SCYL2: variants seen among roughly 807,000 people sequenced by gnomAD.
SCYL2 encodes SCY1-like protein 2.
Under a neutral mutation model 100.4 loss-of-function variants are expected in SCYL2, and 36 were observed. The ratio of observed to expected loss-of-function variants is 0.36; its 90% CI spans 0.27 to 0.47. The LOEUF (loss-of-function observed/expected upper bound fraction) is 0.47, where lower values mean the gene tolerates loss of function less well. Ranked by LOEUF, SCYL2 falls within the 20% of genes least tolerant of loss-of-function variation. SCYL2 has a pLI of 1.00. For synonymous variants in SCYL2, 330 were observed against 359.2 expected, an observed-to-expected ratio of 0.92 and a Z score of 0.92; for missense variants, 902 against 1,083.9, an observed-to-expected ratio of 0.83 and a Z score of 2.36.
intron 4 of SCYL2, among the ~76,000 whole-genome samples, chr12:100,299,114 G>C (rs2096324433): frequency 6.6e-6 from 1 of 151,900 alleles, no homozygotes; most frequent in African/African-American, 2.4e-5. Flanking sequence ...ATGCACCTGT[G>C]GTCCCAGCTA....
intron 4 of SCYL2, among the ~76,000 whole-genome samples, chr12:100,301,232 T>G (rs1020984404): frequency 6.6e-6 from 1 of 152,232 alleles, no homozygotes; most frequent in Non-Finnish European, 1.5e-5. Flanking sequence ...TTTTCATTCG[T>G]GTTTCTCTGA....
chr12:100,272,645 A>T (rs2096288856), intron 1 of SCYL2, among the ~76,000 whole-genome samples: 2 of 152,120 alleles, frequency 1.3e-5, no homozygotes, highest in Admixed American at 6.6e-5. Flanking sequence ...CCCCTATAAA[A>T]CAACTGGCTT....
At chr12:100,327,127 G>A in intron 12 of SCYL2, 1 of 338,448 alleles carries the variant, frequency 3.0e-6, no homozygotes, top group Non-Finnish European at 5.9e-6. Context: ...TCTGCGTTAT[G>A]TTATTTTATT....
At chr12:100,328,946 T>C (rs1163232593) in intron 12 of SCYL2, among the ~76,000 whole-genome samples, 1 of 152,224 alleles carries the variant, frequency 6.6e-6, no homozygotes, top group East Asian at 1.9e-4. Flanking sequence ...AAGCTTCTTA[T>C]GTTATGCTAT....
In SCYL2 at chr12:100,338,916, G is replaced by C; in HGVS notation, c.2534G>C (p.Gly845Ala). 2 of 1,614,048 alleles carry C rather than the reference G, an allele frequency of 1.2e-6. No homozygotes were observed. Among genetic ancestry groups the C allele is most frequent in the Admixed American group, 1.7e-5 (1 of 60,012 alleles). Residue 845 changes from glycine (G) to alanine (A), a missense_variant, in exon 18 of 18, where the codon GGC becomes GCC. Physicochemically the swap from Gly to Ala is moderately conservative, Grantham distance 60. Transcript: ENST00000360820. Reference sequence around the variant, plus strand: ...ATGTCTGCCCTTAATAATCTCTTTGGCCCTCAGAAACCCAAAGTTAGCATG... The same window carrying C: ...ATGTCTGCCCTTAATAATCTCTTTGCCCCTCAGAAACCCAAAGTTAGCATG... ...TDMSALNNLFGPQKPKVSMNQ... is the reference protein window; with the variant it reads ...TDMSALNNLFAPQKPKVSMNQ...
Position 100,332,965 on chromosome 12 carries a change from C to T in SCYL2, c.1762-1201C>T, listed in dbSNP as rs548966498. Among the ~76,000 whole-genome samples the T allele has an allele frequency of 3.9e-5, 6 of 152,190 alleles. No individual in the cohort carries two copies. In the East Asian group the frequency reaches 1.2e-3, roughly 29 times the overall value. Reference sequence around the variant, plus strand: ...TCCTAGGCTCAAATGATCTTCCTGTCTTGGCTTCCCAAAGTGCTGGGACTA... The same window carrying T: ...TCCTAGGCTCAAATGATCTTCCTGTTTTGGCTTCCCAAAGTGCTGGGACTA... On this transcript the variant is annotated intron_variant, in intron 13 of 17. Transcript: ENST00000360820.
intron 1 of SCYL2, among the ~76,000 whole-genome samples, chr12:100,273,779 G>A (rs1377384589): frequency 2.0e-5 from 3 of 152,098 alleles, no homozygotes; most frequent in Admixed American, 1.3e-4. Context: ...TATTTCCATA[G>A]CATGTACATT....
rs80322183 is a variant in SCYL2 at position 100,285,512 on chromosome 12, A to G, written c.177+2365A>G. Among the ~76,000 whole-genome samples the G allele has an allele frequency of 0.023, 3,517 of 152,288 alleles. 296 individuals carry two copies. The East Asian group carries it at 0.29, about 12-fold the overall frequency. On this transcript the variant is annotated intron_variant, in intron 2 of 17. Coordinates refer to ENST00000360820, the MANE Select transcript of SCYL2 (RefSeq NM_017988.6). The stretch of plus-strand genomic sequence containing the variant: ...AATTTTTCCGGTGTGGTGCCAGTAT[A>G]CACTTCCACCAGCAGTTACAGTTTC...
In SCYL2 at chr12:100,291,563, G is replaced by T. The variant is rs1249117729; in HGVS notation, c.238G>T (p.Asp80Tyr). The change falls in exon 3 of 18, where the codon GAT becomes TAT. Residue 80 changes from aspartate (D) to tyrosine (Y), a missense_variant. Transcript: ENST00000360820. ...LIDKYQKFEK[D>Y]QIIDSLKRGV... Reference sequence around the variant, plus strand: ...TGACAAGTATCAAAAATTTGAAAAGGATCAAATCATTGATTCTCTAAAACG... The same window carrying T: ...TGACAAGTATCAAAAATTTGAAAAGTATCAAATCATTGATTCTCTAAAACG... 6.3e-7 allele frequency: 1 copy of T among 1,593,512 alleles called. No individual in the cohort carries two copies. The highest frequency in any genetic ancestry group is 1.3e-5 in the African/African-American group (1 of 74,248).
At chr12:100,330,076 T>TC (rs1952190178) in intron 13 of SCYL2, among the ~76,000 whole-genome samples, 1 of 152,098 alleles carries the variant, frequency 6.6e-6, no homozygotes, top group African/African-American at 2.4e-5. Context: ...CAGCCCACAC[T>TC]CAAAGATAGG....
At chr12:100,316,771 T>A (rs1203511375) in intron 9 of SCYL2, among the ~76,000 whole-genome samples, 1 of 152,214 alleles carries the variant, frequency 6.6e-6, no homozygotes, top group Non-Finnish European at 1.5e-5. Flanking sequence ...GAATTCTTAT[T>A]TGCCTCCATT....
intron 4 of SCYL2, among the ~76,000 whole-genome samples, chr12:100,302,949 C>G (rs558344013): frequency 6.6e-6 from 1 of 152,172 alleles, no homozygotes; most frequent in African/African-American, 2.4e-5. Context: ...TTTGTTCATT[C>G]CTTTTCATTC....
intron 4 of SCYL2, among the ~76,000 whole-genome samples, chr12:100,309,334 C>T (rs1459519118): frequency 6.6e-6 from 1 of 152,152 alleles, no homozygotes; most frequent in East Asian, 1.9e-4. Context: ...TTGTTTTCAT[C>T]TTAGCAATCT....
intron 16 of SCYL2, among the ~76,000 whole-genome samples, chr12:100,336,788 T>TA (rs974289579): frequency 1.3e-5 from 2 of 152,114 alleles, no homozygotes; most frequent in Non-Finnish European, 2.9e-5. Context: ...TAGCATCCAA[T>TA]AAAAAAACTT....
At chr12:100,277,448 G>A (rs758860085) in intron 1 of SCYL2, among the ~76,000 whole-genome samples, 7 of 152,188 alleles carry the variant, frequency 4.6e-5, no homozygotes, top group East Asian at 1.9e-4. Context: ...CTTATTGGGT[G>A]TGTACAGATT....
At chr12:100,334,326 A>T (rs1952249129) in intron 14 of SCYL2, 60 bp downstream of exon 14, 5 of 976,570 alleles carry the variant, frequency 5.1e-6, no homozygotes, top group Non-Finnish European at 8.0e-6. Context: ...TTGTCTTATG[A>T]TTGATTTTCT....
At chr12:100,268,753 T>C (rs1050459462) in intron 1 of SCYL2, among the ~76,000 whole-genome samples, 3 of 152,184 alleles carry the variant, frequency 2.0e-5, no homozygotes, top group Non-Finnish European at 4.4e-5. Context: ...ATTCATGATA[T>C]ACCTCCCTTC....
intron 13 of SCYL2, among the ~76,000 whole-genome samples, chr12:100,333,356 C>T (rs1433319037): frequency 6.6e-6 from 1 of 152,156 alleles, no homozygotes; most frequent in African/African-American, 2.4e-5. Context: ...AGTTCCTTTA[C>T]CTCTCATTGA....
rs573066134 is a variant in SCYL2, at chr12:100,341,693, A to G, written c.*2521A>G. On this transcript the variant is annotated 3_prime_UTR_variant, in exon 18 of 18. Transcript: ENST00000360820. ...CTGATATCAAGAGGAGTATGCACCA[A>G]ATAAATTTTAGCTTTGATAAAACTT... 8 of 152,322 alleles carry G rather than the reference A, an allele frequency of 5.3e-5. No homozygotes were observed. Among genetic ancestry groups the G allele is most frequent in the African/African-American group, 1.4e-4 (6 of 41,570 alleles). 9.4% of individuals were successfully genotyped at this position (152,322 alleles called of 1,614,324 possible). A position where few individuals can be genotyped will look rare whatever the true frequency, so the allele number is the denominator to read the frequency against.
Sources: gnomAD v4.1 joint callset for allele counts (sites outside exome capture counted in the v4.1 genomes callset) on GRCh38, gnomAD v4.1.1 for gene constraint, MANE v1.5 for transcripts, NCBI Gene and HGNC (gene_info 2026-07-23, HGNC 2026-07-21) for gene names.